CC2D1A: variants seen among roughly 807,000 people sequenced by gnomAD.
The protein encoded by CC2D1A is coiled-coil and C2 domain-containing protein 1A.
A neutral mutation model predicts 123.8 loss-of-function variants in CC2D1A; 68 were observed. The observed-to-expected ratio is 0.55, with a 90% CI of 0.45 to 0.67. CC2D1A has a LOEUF of 0.67. Ranked by LOEUF, CC2D1A falls within the 30% of genes least tolerant of loss-of-function variation. The pLI is 0.00. For synonymous variants in CC2D1A, 477 were observed against 528.0 expected (o/e 0.90, Z 1.32); for missense variants, 1,185 against 1,290.3 (o/e 0.92, Z 1.25).
intron 7 of CC2D1A, 133 bp downstream of exon 7, chr19:13,918,327 C>A: frequency 8.3e-7 from 1 of 1,204,450 alleles, no homozygotes; most frequent in Non-Finnish European, 1.1e-6. Context: ...GTCTTGGAGC[C>A]TCAGTTTACC....
intron 11 of CC2D1A, 128 bp from the exon 12 acceptor site, chr19:13,919,690 A>T (rs1036218231): frequency 9.2e-5 from 91 of 991,046 alleles, no homozygotes; most frequent in East Asian, 9.1e-4. Flanking sequence ...AAAAAAAAAA[A>T]TTAATTAATT....
chr19:13,907,027 T>C (rs1970779421), intron 1 of CC2D1A, among the ~76,000 whole-genome samples: 1 of 152,162 alleles, frequency 6.6e-6, no homozygotes, highest in African/African-American at 2.4e-5. Flanking sequence ...GCCCAGGACA[T>C]AGCTTGGTGT....
chr19:13,907,762 T>C (rs563865711), intron 1 of CC2D1A, among the ~76,000 whole-genome samples: 1 of 152,136 alleles, frequency 6.6e-6, no homozygotes, highest in South Asian at 2.1e-4. Flanking sequence ...TACAGGACAG[T>C]TGTAGAGAGT....
intron 6 of CC2D1A, among the ~76,000 whole-genome samples, 170 bp from the exon 7 acceptor site, chr19:13,917,900 G>A (rs1971262931): frequency 6.6e-6 from 1 of 152,214 alleles, no homozygotes; most frequent in East Asian, 1.9e-4. Flanking sequence ...GAACCCAGGA[G>A]GCGGAAGTTG....
chr19:13,917,706 C>T (rs1224635230), intron 6 of CC2D1A, among the ~76,000 whole-genome samples: 2 of 151,690 alleles, frequency 1.3e-5, no homozygotes, highest in Non-Finnish European at 2.9e-5. Context: ...AAGCCAGGCG[C>T]GGTGGTTCAC....
intron 24 of CC2D1A, 115 bp downstream of exon 24, chr19:13,928,303 C>T (rs764055935): frequency 1.6e-5 from 14 of 860,992 alleles, no homozygotes; most frequent in Non-Finnish European, 2.5e-5. Flanking sequence ...GCTGCAAAAC[C>T]TTTCTTGGCA....
At position 13,929,471 on chromosome 19, in the gene CC2D1A, G is replaced by C. The variant is rs774015201; in HGVS notation, c.2583+29G>C. The C allele has an allele frequency of 3.7e-6, 6 of 1,612,760 alleles. No homozygotes were observed. The Admixed American group carries it at 8.3e-5, about 22-fold the overall frequency. Reference sequence around the variant, plus strand: ...GGTATCCATCCTGCCGGGCTACATGGGGCAGGACTGGGGAGTCTGCAGGCC... The same window carrying C: ...GGTATCCATCCTGCCGGGCTACATGCGGCAGGACTGGGGAGTCTGCAGGCC... On this transcript the variant is annotated intron_variant, in intron 25 of 28. Coordinates refer to ENST00000318003, the MANE Select transcript of CC2D1A (RefSeq NM_017721.5).
At chr19:13,927,801 A>G in intron 22 of CC2D1A, 92 bp from the exon 23 acceptor site, 3 of 1,404,254 alleles carry the variant, frequency 2.1e-6, no homozygotes, top group South Asian at 2.6e-5. Context: ...AAAAACCAAA[A>G]AAAAAAACCA....
At chr19:13,928,704 C>CTTTTTTT (rs60455051) in intron 24 of CC2D1A, among the ~76,000 whole-genome samples, 2 of 109,216 alleles carry the variant, frequency 1.8e-5, no homozygotes, top group African/African-American at 3.7e-5. Context: ...CCCAGTGTGT[C>CTTTTTTT]TTTTTTTTTT....
intron 6 of CC2D1A, among the ~76,000 whole-genome samples, chr19:13,915,230 T>C (rs1442708656): frequency 6.6e-6 from 1 of 152,248 alleles, no homozygotes; most frequent in African/African-American, 2.4e-5. Context: ...TATTTGTTAA[T>C]GTGAAGTAGG....
rs751622351 is a variant in CC2D1A, at chr19:13,918,831, C to T, written c.1018+14C>T. 5 of 1,612,562 alleles carry T rather than the reference C, an allele frequency of 3.1e-6. No individual in the cohort carries two copies. The highest frequency in any genetic ancestry group is 4.2e-6 in the Non-Finnish European group (5 of 1,179,334). On this transcript the variant is annotated intron_variant, in intron 9 of 28. Coordinates refer to ENST00000318003, the MANE Select transcript of CC2D1A (RefSeq NM_017721.5). ...CCTCCACAACAGGTAGGTTCTGGGA[C>T]CCTCTGGGGTTGGGGGCAGGCTGGA...
At chr19:13,926,047 C>CGTATATATATGT (rs1568419045) in intron 17 of CC2D1A, among the ~76,000 whole-genome samples, 7 of 61,076 alleles carry the variant, frequency 1.1e-4, no homozygotes, top group Admixed American at 7.1e-4. Flanking sequence ...TATATATACA[C>CGTATATATATGT]GTATATATAT....
Position 13,909,867 on chromosome 19 carries a change from T to G in CC2D1A, c.105T>G (p.Pro35=), listed in dbSNP as rs1568403081. ...TCTCCCCAGATGGCCTGATGATCCC[T>G]GAGGACGGGGCTAACGATGAAGAAC... ...VDLSPDGLMI[P]EDGANDEELE... The change falls in exon 2 of 29, where the codon CCT becomes CCG. Residue 35 remains proline, a synonymous_variant. Coordinates refer to ENST00000318003, the MANE Select transcript of CC2D1A (RefSeq NM_017721.5). 6.3e-7 allele frequency: 1 copy of G among 1,580,182 alleles called. No homozygotes were observed. The highest frequency in any genetic ancestry group is 1.2e-5 in the South Asian group (1 of 86,698).
intron 1 of CC2D1A, among the ~76,000 whole-genome samples, chr19:13,909,105 T>C (rs2145293113): frequency 6.6e-6 from 1 of 152,102 alleles, no homozygotes; most frequent in Admixed American, 6.6e-5. Context: ...TTTAAAAAGT[T>C]TTTTTTCCTG....
Position 13,919,166 on chromosome 19 carries a change from C to A in CC2D1A, c.1186C>A (p.Arg396=), listed in dbSNP as rs763487646. The A allele has an allele frequency of 3.7e-6, 6 of 1,612,488 alleles. No individual in the cohort carries two copies. In the South Asian group the frequency reaches 6.6e-5, roughly 18 times the overall value. The change falls in exon 11 of 29, where the codon CGA becomes AGA. Residue 396 remains arginine, a synonymous_variant. Transcript: ENST00000318003. ...TGCCATCCGAGCCCACAAGGCTGGC[C>A]GAGCCGTGGATGTCGCTGAATTGCC... ...QDAIRAHKAG[R]AVDVAELPVP...
rs1429033772 is a variant in CC2D1A at position 13,923,707 on chromosome 19, G to T, written c.1836G>T (p.Leu612Phe). The change falls in exon 17 of 29, where the codon TTG becomes TTT. Residue 612 changes from leucine (L) to phenylalanine (F), a missense_variant. Leu to Phe is a conservative substitution (Grantham distance 22, BLOSUM62 0). Transcript: ENST00000318003. This position sits in a 1 kb window ranked among gnomAD's most constrained non-coding sequence, Gnocchi z 5.3. ...NITETTKFEK[L>F]AEDCKRSMDI... ...CTCCCACCGGCAGGTTTGAAAAGTT[G>T]GCGGAGGACTGTAAGCGGAGCATGG... The T allele has an allele frequency of 4.3e-6, 7 of 1,614,084 alleles. No individual in the cohort carries two copies. Among genetic ancestry groups the T allele is most frequent in the Non-Finnish European group, 5.9e-6 (7 of 1,180,014 alleles).
intron 22 of CC2D1A, 96 bp from the exon 23 acceptor site, chr19:13,927,797 C>CA (rs61144434): frequency 0.16 from 142,509 of 886,102 alleles, 1,825 homozygotes; most frequent in African/African-American, 0.25. Flanking sequence ...AAAAAAAAAC[C>CA]AAAAAAAAAA....
intron 2 of CC2D1A, among the ~76,000 whole-genome samples, chr19:13,910,537 G>A (rs1383130300): frequency 6.6e-6 from 1 of 151,684 alleles, no homozygotes; most frequent in East Asian, 1.9e-4. Flanking sequence ...TTCACCATCT[G>A]TAAAACTGGA....
rs1214490198 is a variant in CC2D1A, at chr19:13,923,950, C to A, written c.1940+139C>A. 7.7e-6 allele frequency: 5 copies of A among 651,146 alleles called. No individual in the cohort carries two copies. Among genetic ancestry groups the A allele is most frequent in the African/African-American group, 7.3e-5 (4 of 55,058 alleles). The allele number at this position is 651,146 out of a possible 1,614,324, so 40.3% of individuals were successfully genotyped here. ...GATAGGTGGAAGAGCACAGAGCATG[C>A]AAAGGCTCTGGGGCAGGCATGAGAT... On this transcript the variant is annotated intron_variant, in intron 17 of 28. Transcript: ENST00000318003. This position sits in a 1 kb window ranked among gnomAD's most constrained non-coding sequence, Gnocchi z 5.3.
Sources: gnomAD v4.1 joint callset for allele counts (sites outside exome capture counted in the v4.1 genomes callset) on GRCh38, gnomAD v4.1.1 for gene constraint, Gnocchi (gnomAD v3.1) non-coding constraint, MANE v1.5 for transcripts, NCBI Gene and HGNC (gene_info 2026-07-23, HGNC 2026-07-21) for gene names.